ZSCAN5A: variants seen among roughly 807,000 people sequenced by gnomAD.
ZSCAN5A encodes zinc finger and SCAN domain-containing protein 5A.
ZSCAN5A carries 12 observed loss-of-function variants against 23.7 expected under a neutral mutation model. The observed-to-expected ratio is 0.51, with a 90% CI of 0.32 to 0.82. The LOEUF (loss-of-function observed/expected upper bound fraction) is 0.82, where lower values mean the gene tolerates loss of function less well. Ranked by LOEUF, ZSCAN5A falls within the 40% of genes least tolerant of loss-of-function variation. The pLI, the probability that ZSCAN5A is intolerant of heterozygous loss-of-function variation, is 0.03. For missense variants in ZSCAN5A, 597 were observed against 617.9 expected (o/e 0.97, Z 0.36); for synonymous variants, 257 against 239.9 (o/e 1.07, Z -0.66).
chr19:56,256,701 G>A (rs145845418), intron 2 of ZSCAN5A, among the ~76,000 whole-genome samples: 3,552 of 152,298 alleles, frequency 0.023, 72 homozygotes, highest in Non-Finnish European at 0.035. Flanking sequence ...AGTTAGTGTG[G>A]AGACAGATAT....
intron 2 of ZSCAN5A, among the ~76,000 whole-genome samples, chr19:56,288,368 C>T (rs1006993536): frequency 2.0e-5 from 3 of 152,176 alleles, no homozygotes; most frequent in Non-Finnish European, 4.4e-5. Context: ...CCCAGCTAAC[C>T]CCTGCTCATC....
intron 2 of ZSCAN5A, among the ~76,000 whole-genome samples, chr19:56,331,713 G>A (rs2041491328): frequency 6.8e-6 from 1 of 147,678 alleles, no homozygotes; most frequent in South Asian, 2.1e-4. Context: ...TCAGCTTCCT[G>A]AGTAGCTGAC....
At chr19:56,240,033 G>A (rs1012436465) in intron 2 of ZSCAN5A, among the ~76,000 whole-genome samples, 1 of 152,106 alleles carries the variant, frequency 6.6e-6, no homozygotes, top group African/African-American at 2.4e-5. Context: ...GTGGTGGCGG[G>A]CACCTGTAAT....
At chr19:56,263,165 G>C (rs1273781748) in intron 2 of ZSCAN5A, 2 of 152,180 alleles carry the variant, frequency 1.3e-5, no homozygotes, top group African/African-American at 4.8e-5. Context: ...CTTCCAAGAA[G>C]ATTGCCCACA....
intron 2 of ZSCAN5A, among the ~76,000 whole-genome samples, chr19:56,345,989 A>G (rs796654275): frequency 3.3e-4 from 50 of 152,296 alleles, no homozygotes; most frequent in African/African-American, 1.2e-3. Context: ...GTCTACCCCA[A>G]GGGAGTTGCA....
chr19:56,224,450 C>G (rs1349774312), intron 3 of ZSCAN5A: 3 of 729,592 alleles, frequency 4.1e-6, no homozygotes, highest in Non-Finnish European at 4.3e-6. Flanking sequence ...GATGGGTTGT[C>G]CTGAGCGTTA....
chr19:56,255,661 G>A (rs1049886287), intron 2 of ZSCAN5A, among the ~76,000 whole-genome samples: 5 of 151,640 alleles, frequency 3.3e-5, no homozygotes, highest in African/African-American at 7.3e-5. Context: ...GCCCTGAGAT[G>A]GGTTGAATAA....
Position 56,221,968 on chromosome 19 carries a change from C to G in ZSCAN5A, c.1098G>C (p.Thr366=). Residue 366 remains threonine, a synonymous_variant, in exon 6 of 6, where the codon ACG becomes ACC. Transcript: ENST00000683990. The stretch of plus-strand genomic sequence containing the variant: ...TGTGGATGACTAGCTTGGAATTACA[C>G]GTAAACCTCTTCTCGCACACGTCAC... The part of the protein sequence containing the change: ...FACDVCEKRF[T]CNSKLVIHKR... 1 of 1,614,208 alleles carries G rather than the reference C, an allele frequency of 6.2e-7. No homozygotes were observed. Among genetic ancestry groups the G allele is most frequent in the Non-Finnish European group, 8.5e-7 (1 of 1,180,048 alleles).
intron 2 of ZSCAN5A, among the ~76,000 whole-genome samples, chr19:56,303,995 T>C (rs947563539): frequency 6.6e-6 from 1 of 152,122 alleles, no homozygotes; most frequent in Non-Finnish European, 1.5e-5. Context: ...GTCCAGGTCA[T>C]GTAAGGTTCT....
At chr19:56,365,078 T>G (rs989263033) in intron 1 of ZSCAN5A, 1 of 152,254 alleles carries the variant, frequency 6.6e-6, no homozygotes. Flanking sequence ...AACAGACACA[T>G]CACACATAAA....
At chr19:56,285,012 C>G in intron 2 of ZSCAN5A, 1 of 985,388 alleles carries the variant, frequency 1.0e-6, no homozygotes, top group Non-Finnish European at 1.2e-6. Context: ...CATGAGCAGA[C>G]TGTCACCGGA....
At chr19:56,287,928 C>G (rs549708972) in intron 2 of ZSCAN5A, among the ~76,000 whole-genome samples, 2 of 152,242 alleles carry the variant, frequency 1.3e-5, no homozygotes, top group Non-Finnish European at 2.9e-5. Flanking sequence ...AGGACACTTC[C>G]AGTGTTAGCT....
chr19:56,350,646 C>T (rs985587365), intron 2 of ZSCAN5A, among the ~76,000 whole-genome samples: 3 of 152,104 alleles, frequency 2.0e-5, no homozygotes, highest in African/African-American at 4.8e-5. Flanking sequence ...ACACCGACAT[C>T]TAGTGGAGGC....
intron 2 of ZSCAN5A, among the ~76,000 whole-genome samples, chr19:56,273,497 C>A (rs2146976165): frequency 6.9e-6 from 1 of 144,634 alleles, no homozygotes; most frequent in Non-Finnish European, 1.6e-5. Flanking sequence ...AATTCTCATG[C>A]TAAACACACA....
chr19:56,273,621 A>C (rs2038021771), intron 2 of ZSCAN5A, among the ~76,000 whole-genome samples: 1 of 152,128 alleles, frequency 6.6e-6, no homozygotes, highest in Non-Finnish European at 1.5e-5. Context: ...AGAGACTTGA[A>C]TATGCAAAGG....
intron 2 of ZSCAN5A, among the ~76,000 whole-genome samples, chr19:56,353,698 C>T (rs1461747208): frequency 6.6e-6 from 1 of 152,068 alleles, no homozygotes; most frequent in Admixed American, 6.5e-5. Flanking sequence ...AGGAGAATGG[C>T]ATGAACCCGG....
intron 2 of ZSCAN5A, among the ~76,000 whole-genome samples, chr19:56,268,860 G>A (rs185485260): frequency 6.4e-4 from 97 of 152,078 alleles, no homozygotes; most frequent in African/African-American, 2.1e-3. Context: ...TGGATATTAC[G>A]TATCAATGGA....
rs115098424 is a variant in ZSCAN5A, at chr19:56,272,901, G to A, written c.-128+40382C>T. ...TCTGCTTTTCCTGGGATTGGCAGAA[G>A]CCTGTACTCCTCGTGAAGGTAATGC... On this transcript the variant is annotated intron_variant, in intron 2 of 5. Coordinates refer to ENST00000683990, the MANE Select transcript of ZSCAN5A (RefSeq NM_001322064.3). 779 of 985,340 alleles carry A rather than the reference G, an allele frequency of 7.9e-4. 6 individuals carry two copies. In the African/African-American group the frequency reaches 0.013, roughly 16 times the overall value. 61.0% of individuals were successfully genotyped at this position (985,340 alleles called of 1,614,324 possible).
chr19:56,239,912 T>C (rs943318448), intron 2 of ZSCAN5A, among the ~76,000 whole-genome samples: 4 of 152,026 alleles, frequency 2.6e-5, no homozygotes, highest in Admixed American at 6.5e-5. Flanking sequence ...GCCTGTAATC[T>C]CAGCACTTTG....
Sources: allele counts gnomAD v4.1 joint callset (sites outside exome capture counted in the v4.1 genomes callset), GRCh38; gene constraint gnomAD v4.1.1; transcripts MANE v1.5; gene names NCBI Gene and HGNC (gene_info 2026-07-23, HGNC 2026-07-21).